Variants in MARCHF4 observed in about 807,000 individuals in gnomAD.
The protein encoded by MARCHF4 is E3 ubiquitin-protein ligase MARCHF4.
In MARCHF4, 14 loss-of-function variants were observed where a neutral mutation model predicts 43.9. The observed-to-expected ratio is 0.32, with a 90% CI of 0.21 to 0.50. MARCHF4 has a LOEUF of 0.50. Among genes scored for constraint, MARCHF4 ranks in the 20% least tolerant of loss-of-function variants. The pLI, the probability that MARCHF4 is intolerant of heterozygous loss-of-function variation, is 0.98. For synonymous variants in MARCHF4, 226 were observed against 213.3 expected (o/e 1.06, Z -0.52); for missense variants, 468 against 536.7 (o/e 0.87, Z 1.27).
intron 1 of MARCHF4, among the ~76,000 whole-genome samples, chr2:216,313,672 A>G (rs911592686): frequency 6.6e-6 from 1 of 152,180 alleles, no homozygotes; most frequent in African/African-American, 2.4e-5. Flanking sequence ...GTTCACAACT[A>G]TTAGACATGA....
At chr2:216,265,259 T>C (rs915290346) in intron 3 of MARCHF4, among the ~76,000 whole-genome samples, 2 of 152,206 alleles carry the variant, frequency 1.3e-5, no homozygotes, top group African/African-American at 4.8e-5. Context: ...AAATACTTAA[T>C]GTAATGGTGT....
intron 1 of MARCHF4, among the ~76,000 whole-genome samples, chr2:216,355,820 CT>C (rs1255799673): frequency 1.3e-5 from 2 of 152,198 alleles, no homozygotes; most frequent in African/African-American, 4.8e-5. Context: ...CCTGGAGTGC[CT>C]TTTTTCTTCT....
chr2:216,271,957 ATTTTTT>A (rs57629851), intron 3 of MARCHF4, among the ~76,000 whole-genome samples: 1 of 100,602 alleles, frequency 9.9e-6, no homozygotes, highest in Non-Finnish European at 2.0e-5. Flanking sequence ...CACCTGGCTA[ATTTTTT>A]TTTTTTTTTT....
In MARCHF4 at chr2:216,277,681, C is replaced by A. The variant is rs1315274754; in HGVS notation, c.856G>T (p.Val286Leu). ...CYGMYGFMDVVCIGLIIHEGP... is the reference protein window; with the variant it reads ...CYGMYGFMDVLCIGLIIHEGP... ...AAACCCCCAGACCCACCTATGCACA[C>A]CACGTCCATGAAGCCATACATCCCG... The change falls in exon 3 of 4, where the codon GTG (valine) becomes TTG (leucine). Residue 286 changes from valine (V) to leucine (L), a missense_variant. Transcript: ENST00000273067. 6.2e-7 allele frequency: 1 copy of A among 1,610,618 alleles called. No homozygotes were observed. Among genetic ancestry groups the A allele is most frequent in the Admixed American group, 1.7e-5 (1 of 59,950 alleles).
At chr2:216,285,047 G>A (rs533100925) in intron 1 of MARCHF4, among the ~76,000 whole-genome samples, 4 of 152,154 alleles carry the variant, frequency 2.6e-5, no homozygotes, top group East Asian at 1.9e-4. Flanking sequence ...GTCTACCCAC[G>A]AGAGGAGCCC....
chr2:216,359,902 C>A (rs1358798704), intron 1 of MARCHF4, among the ~76,000 whole-genome samples: 1 of 152,194 alleles, frequency 6.6e-6, no homozygotes, highest in African/African-American at 2.4e-5. Context: ...TGAACTTGCA[C>A]TTTTGATTAT....
intron 1 of MARCHF4, among the ~76,000 whole-genome samples, chr2:216,360,821 T>A (rs575841648): frequency 1.3e-5 from 2 of 152,130 alleles, no homozygotes; most frequent in Non-Finnish European, 2.9e-5. Context: ...GGTGGGATTT[T>A]TTTTGCTTTT....
chr2:216,263,503 G>GAAAGAGAGAA (rs1348946049), intron 3 of MARCHF4, among the ~76,000 whole-genome samples: 15 of 141,252 alleles, frequency 1.1e-4, no homozygotes, highest in African/African-American at 3.5e-4. Context: ...AAGAGAGAGA[G>GAAAGAGAGAA]AGAGAGAGAG....
chr2:216,360,763 GATA>G (rs1011786462), intron 1 of MARCHF4, among the ~76,000 whole-genome samples: 2 of 152,204 alleles, frequency 1.3e-5, no homozygotes, highest in African/African-American at 4.8e-5. Context: ...GACTTTGGGT[GATA>G]ATGATGTGTC....
At chr2:216,330,728 C>G (rs956792416) in intron 1 of MARCHF4, among the ~76,000 whole-genome samples, 1 of 151,822 alleles carries the variant, frequency 6.6e-6, no homozygotes, top group Non-Finnish European at 1.5e-5. Flanking sequence ...AAAATATCAC[C>G]GAATATTAAT....
At position 216,293,786 on chromosome 2, in the gene MARCHF4, A is replaced by G. The variant is rs1559091778; in HGVS notation, c.517-10057T>C. Among the ~76,000 whole-genome samples the G allele has an allele frequency of 1.5e-5, 2 of 136,006 alleles. 1 individual carries two copies. 89.2% of individuals were successfully genotyped at this position (136,006 alleles called of 152,430 possible). The stretch of plus-strand genomic sequence containing the variant: ...ACTAGAAAGAAGAACTTAGCCTCAC[A>G]ATAATTGAATTTAAATAACATCCAA... On this transcript the variant is annotated intron_variant, in intron 1 of 3. Transcript: ENST00000273067.
intron 1 of MARCHF4, among the ~76,000 whole-genome samples, chr2:216,289,203 G>C (rs1034371904): frequency 1.3e-5 from 2 of 151,336 alleles, no homozygotes; most frequent in Non-Finnish European, 2.9e-5. Context: ...TTTACTCACT[G>C]AAGTTCTTTT....
chr2:216,295,342 C>T (rs1691373525), intron 1 of MARCHF4, among the ~76,000 whole-genome samples: 1 of 152,204 alleles, frequency 6.6e-6, no homozygotes, highest in Non-Finnish European at 1.5e-5. Flanking sequence ...CTTACTTCAG[C>T]CCTCAACTTT....
In MARCHF4 at chr2:216,260,781, C is replaced by T. The variant is rs527288859; in HGVS notation, c.866-1102G>A. Among the ~76,000 whole-genome samples the T allele has an allele frequency of 3.3e-5, 5 of 152,306 alleles. No homozygotes were observed. In the South Asian group the frequency reaches 1.0e-3, roughly 32 times the overall value. Reference sequence around the variant, plus strand: ...GGGGAATGATGTGATCTGATTCACCCTTCATAAAGCCACCTGTGGCACCTG... The same window carrying T: ...GGGGAATGATGTGATCTGATTCACCTTTCATAAAGCCACCTGTGGCACCTG... On this transcript the variant is annotated intron_variant, in intron 3 of 3. Transcript: ENST00000273067.
chr2:216,262,003 C>A (rs1690749509), intron 3 of MARCHF4, among the ~76,000 whole-genome samples: 1 of 152,134 alleles, frequency 6.6e-6, no homozygotes, highest in African/African-American at 2.4e-5. Flanking sequence ...AAATGACCAC[C>A]AGTTCCATGG....
chr2:216,329,105 G>A (rs1288560949), intron 1 of MARCHF4, among the ~76,000 whole-genome samples: 2 of 152,156 alleles, frequency 1.3e-5, no homozygotes, highest in African/African-American at 4.8e-5. Flanking sequence ...ACCCGGCCGG[G>A]CGCGGTGGCT....
chr2:216,284,583 G>A (rs1207687277), intron 1 of MARCHF4, among the ~76,000 whole-genome samples: 2 of 152,020 alleles, frequency 1.3e-5, no homozygotes, highest in African/African-American at 4.8e-5. Flanking sequence ...CTCTGGCCTC[G>A]GCCTCCCAAG....
chr2:216,273,575 C>A (rs911270184), intron 3 of MARCHF4, among the ~76,000 whole-genome samples: 1 of 152,216 alleles, frequency 6.6e-6, no homozygotes, highest in Non-Finnish European at 1.5e-5. Context: ...TCCACCCACT[C>A]TCTGCCAGGG....
chr2:216,324,350 G>T (rs1293095395), intron 1 of MARCHF4, among the ~76,000 whole-genome samples: 7 of 146,470 alleles, frequency 4.8e-5, no homozygotes, highest in African/African-American at 1.8e-4. Context: ...AAGAGTCCAG[G>T]ACCAGATGGA....
Sources: allele counts gnomAD v4.1 joint callset (sites outside exome capture counted in the v4.1 genomes callset), GRCh38; gene constraint gnomAD v4.1.1; transcripts MANE v1.5; gene names NCBI Gene and HGNC (gene_info 2026-07-23, HGNC 2026-07-21).